INPP5F: variants seen among roughly 807,000 people sequenced by gnomAD.
INPP5F encodes phosphatidylinositide 4-phosphatase SAC2.
A neutral mutation model predicts 137.2 loss-of-function variants in INPP5F; 97 were observed. The ratio of observed to expected loss-of-function variants is 0.71; its 90% confidence interval spans 0.60 to 0.84. INPP5F has a LOEUF of 0.84. Ranked by LOEUF, INPP5F falls within the 40% of genes least tolerant of loss-of-function variation. INPP5F has a pLI of 0.00. For synonymous variants in INPP5F, 504 were observed against 476.9 expected, an observed-to-expected ratio of 1.06 and a Z score of -0.74; for missense variants, 1,271 against 1,371.9, an observed-to-expected ratio of 0.93 and a Z score of 1.16.
chr10:119,788,469 T>C (rs1456049950), intron 3 of INPP5F, among the ~76,000 whole-genome samples: 2 of 151,190 alleles, frequency 1.3e-5, no homozygotes, highest in African/African-American at 2.4e-5. Flanking sequence ...CCCCGAGAGA[T>C]TGTTGTCATG....
chr10:119,812,102 T>G, intron 15 of INPP5F, 147 bp downstream of exon 15: 1 of 624,516 alleles, frequency 1.6e-6, no homozygotes, highest in Non-Finnish European at 2.8e-6. Flanking sequence ...TGAGGCAAGC[T>G]GACTGAGGCA....
chr10:119,762,434 G>C (rs1171259887), intron 2 of INPP5F, among the ~76,000 whole-genome samples: 2 of 152,038 alleles, frequency 1.3e-5, no homozygotes, highest in South Asian at 2.1e-4. Flanking sequence ...TGATGATGTA[G>C]CCCTAATAAC....
rs370719384 is a variant in INPP5F, at chr10:119,791,995, C to G, written c.571C>G (p.Gln191Glu). 1 of 1,614,206 alleles carries G rather than the reference C, an allele frequency of 6.2e-7. No homozygotes were observed. Among genetic ancestry groups the G allele is most frequent in the South Asian group, 1.1e-5 (1 of 91,086 alleles). The change falls in exon 5 of 20, where the codon CAG (glutamine) becomes GAG (glutamate). Residue 191 changes from glutamine (Q) to glutamate (E), a missense_variant. Gln to Glu is a conservative substitution (Grantham distance 29). Around this residue, in one of 6 missense-constraint regions of INPP5F, gnomAD observed 593 missense variants for 712.4 expected, o/e 0.83. Coordinates refer to ENST00000650623, the MANE Select transcript of INPP5F (RefSeq NM_014937.4). ...TGACCTGACCAATTCCGTGCAGAGG[C>G]AGAGCACTGGGGAGAGGGACGGTCG... ...TYDLTNSVQRQSTGERDGRPL... is the reference protein window; with the variant it reads ...TYDLTNSVQRESTGERDGRPL...
Position 119,748,729 on chromosome 10 carries a change from T to TC in INPP5F, c.98-2345dup. ...AATGGAGGAAGTGTGTGCTGATTGG[T>TC]CCATGGGAGGCCACGGACGGCCTGG... On this transcript the variant is annotated intron_variant, in intron 1 of 19. Coordinates refer to ENST00000650623, the MANE Select transcript of INPP5F (RefSeq NM_014937.4). The surrounding 1 kb of genome is among the most constrained non-coding windows in gnomAD (Gnocchi z 4.7). Among the ~76,000 whole-genome samples the TC allele has an allele frequency of 1.3e-5, 2 of 152,236 alleles. No homozygotes were observed. The highest frequency in any genetic ancestry group is 4.1e-4 in the South Asian group (2 of 4,824).
Position 119,787,996 on chromosome 10 carries a change from G to A in INPP5F, c.316-3521G>A, listed in dbSNP as rs563828318. 7.9e-4 allele frequency among the ~76,000 whole-genome samples: 121 copies of A among 152,282 alleles called. 1 individual carries two copies. The highest frequency in any genetic ancestry group is 1.7e-3 in the South Asian group (8 of 4,828). On this transcript the variant is annotated intron_variant, in intron 3 of 19. Transcript: ENST00000650623. The surrounding 1 kb of genome is among the most constrained non-coding windows in gnomAD (Gnocchi z 4.1). Reference sequence around the variant, plus strand: ...ATTTCCATGAAGAAATACTGGTCTGGGCAAAAGATAGGGATCTGAATCAAC... The same window carrying A: ...ATTTCCATGAAGAAATACTGGTCTGAGCAAAAGATAGGGATCTGAATCAAC...
intron 2 of INPP5F, among the ~76,000 whole-genome samples, chr10:119,776,399 C>T (rs1010623582): frequency 2.6e-5 from 4 of 151,312 alleles, no homozygotes; most frequent in African/African-American, 2.4e-5. Flanking sequence ...TAAGTATTGG[C>T]AATACCATGT....
intron 1 of INPP5F, among the ~76,000 whole-genome samples, chr10:119,729,744 ATTTTTT>A (rs34359657): frequency 9.4e-5 from 12 of 128,234 alleles, no homozygotes; most frequent in African/African-American, 3.5e-4. Flanking sequence ...CACCTGGCTA[ATTTTTT>A]TTTTTTTTTT....
intron 13 of INPP5F, among the ~76,000 whole-genome samples, chr10:119,808,717 C>T (rs1346503220): frequency 6.6e-6 from 1 of 152,158 alleles, no homozygotes; most frequent in African/African-American, 2.4e-5. Context: ...AAATAAATTA[C>T]TCAGTCTGAG....
At chr10:119,819,818 T>C (rs1851480020) in intron 15 of INPP5F, 1 of 291,756 alleles carries the variant, frequency 3.4e-6, no homozygotes, top group Middle Eastern at 9.6e-4. Flanking sequence ...TGTAAAAAAC[T>C]GCAGTTTAAG....
chr10:119,774,804 GA>G (rs1378708488), intron 2 of INPP5F, among the ~76,000 whole-genome samples: 1 of 152,056 alleles, frequency 6.6e-6, no homozygotes, highest in Non-Finnish European at 1.5e-5. Context: ...CTCAAGGTCT[GA>G]AAAACTGCTA....
At chr10:119,815,603 T>C in intron 15 of INPP5F, 1 of 273,598 alleles carries the variant, frequency 3.7e-6, no homozygotes, top group Non-Finnish European at 7.4e-6. Flanking sequence ...AGTGGTTCTG[T>C]CTGTTGGCTC....
intron 2 of INPP5F, among the ~76,000 whole-genome samples, chr10:119,753,846 A>C (rs1239715758): frequency 6.6e-6 from 1 of 152,140 alleles, no homozygotes; most frequent in Non-Finnish European, 1.5e-5. Context: ...AGGCAAAAAA[A>C]CACACTTTTT....
intron 3 of INPP5F, among the ~76,000 whole-genome samples, chr10:119,784,127 TA>T (rs1304189629): frequency 6.6e-6 from 1 of 152,248 alleles, no homozygotes; most frequent in Non-Finnish European, 1.5e-5. Flanking sequence ...CATGTTAATT[TA>T]AATCTTGGTA....
At chr10:119,811,406 G>C (rs1318504497) in intron 14 of INPP5F, among the ~76,000 whole-genome samples, 3 of 152,122 alleles carry the variant, frequency 2.0e-5, no homozygotes, top group Non-Finnish European at 4.4e-5. Context: ...TGTCTGTTCA[G>C]ATCTTTGCTC....
At chr10:119,730,950 G>A (rs777417415) in intron 1 of INPP5F, among the ~76,000 whole-genome samples, 3 of 152,060 alleles carry the variant, frequency 2.0e-5, no homozygotes, top group Non-Finnish European at 4.4e-5. Flanking sequence ...ACCACGCCCA[G>A]CTAATTTTTT....
At chr10:119,795,961 G>C (rs893028152) in intron 6 of INPP5F, among the ~76,000 whole-genome samples, 11 of 152,064 alleles carry the variant, frequency 7.2e-5, no homozygotes, top group South Asian at 6.3e-4. Context: ...GCCTGCAATC[G>C]CAGGCACTCG....
chr10:119,795,377 C>T (rs1409471558), intron 6 of INPP5F, among the ~76,000 whole-genome samples: 8 of 150,488 alleles, frequency 5.3e-5, no homozygotes, highest in Non-Finnish European at 1.2e-4. Flanking sequence ...GGCTGCCAGG[C>T]GGAGGGGCTC....
chr10:119,783,716 T>C (rs1407062524), intron 3 of INPP5F, among the ~76,000 whole-genome samples: 1 of 152,252 alleles, frequency 6.6e-6, no homozygotes, highest in Non-Finnish European at 1.5e-5. Context: ...TTTCCCTTTT[T>C]TCTCTCTCGA....
At position 119,815,031 on chromosome 10, in the gene INPP5F, A is replaced by G. The variant is rs528731099; in HGVS notation, c.1886+3076A>G. Among the ~76,000 whole-genome samples the G allele has an allele frequency of 4.6e-5, 7 of 151,968 alleles. No individual in the cohort carries two copies. The East Asian group carries it at 7.8e-4, about 17-fold the overall frequency. ...TAGGCACCTGACACCACGCCCGGCTAATTTTTTGTATTTTTAATAGAGATG... is the reference window on the plus strand; with the variant it reads ...TAGGCACCTGACACCACGCCCGGCTGATTTTTTGTATTTTTAATAGAGATG... On this transcript the variant is annotated intron_variant, in intron 15 of 19. Transcript: ENST00000650623.
Sources: allele counts gnomAD v4.1 joint callset (sites outside exome capture counted in the v4.1 genomes callset), GRCh38; gene constraint gnomAD v4.1.1; regional missense constraint gnomAD v4.1.1; non-coding constraint Gnocchi (gnomAD v3.1); transcripts MANE v1.5; gene names NCBI Gene and HGNC (gene_info 2026-07-23, HGNC 2026-07-21).